SCFD2: variants seen among roughly 807,000 people sequenced by gnomAD.
The protein encoded by SCFD2 is sec1 family domain containing 2.
In SCFD2, 54 loss-of-function variants were observed where a neutral mutation model predicts 58.9. The ratio of observed to expected loss-of-function variants is 0.92; its 90% confidence interval spans 0.74 to 1.15. The LOEUF (loss-of-function observed/expected upper bound fraction) is 1.15. Among genes scored for constraint, SCFD2 ranks in the 50% most tolerant of loss-of-function variants. SCFD2 has a pLI of 0.00. For missense variants in SCFD2, 805 were observed against 836.6 expected (o/e 0.96, Z 0.47); for synonymous variants, 321 against 335.9 (o/e 0.96, Z 0.49).
At chr4:53,006,969 C>T (rs897701249) in intron 5 of SCFD2, among the ~76,000 whole-genome samples, 12 of 152,056 alleles carry the variant, frequency 7.9e-5, no homozygotes, top group African/African-American at 2.7e-4. Context: ...TCAAGAGACA[C>T]TAGAAATGCA....
intron 5 of SCFD2, among the ~76,000 whole-genome samples, chr4:52,953,403 C>T (rs1174864852): frequency 6.6e-6 from 1 of 152,214 alleles, no homozygotes; most frequent in East Asian, 1.9e-4. Flanking sequence ...TCTACTATGT[C>T]TACAAGATAG....
intron 5 of SCFD2, among the ~76,000 whole-genome samples, chr4:53,090,178 C>T (rs1337862750): frequency 6.6e-6 from 1 of 152,172 alleles, no homozygotes. Flanking sequence ...GTCTTCCCAA[C>T]CATCTGTTGC....
At chr4:53,074,127 T>C (rs1286628752) in intron 5 of SCFD2, among the ~76,000 whole-genome samples, 1 of 152,214 alleles carries the variant, frequency 6.6e-6, no homozygotes, top group African/African-American at 2.4e-5. Flanking sequence ...ACTAAGTTTA[T>C]GTGGTATTCT....
At chr4:52,970,908 G>A (rs924740948) in intron 5 of SCFD2, among the ~76,000 whole-genome samples, 9 of 152,140 alleles carry the variant, frequency 5.9e-5, no homozygotes, top group African/African-American at 2.2e-4. Context: ...GGCAAACAGG[G>A]TCTAGAGTGG....
chr4:53,034,345 T>C (rs1722701970), intron 5 of SCFD2, among the ~76,000 whole-genome samples: 1 of 152,168 alleles, frequency 6.6e-6, no homozygotes, highest in African/African-American at 2.4e-5. Context: ...GAGCTATTTA[T>C]GACAAACCCA....
intron 4 of SCFD2, among the ~76,000 whole-genome samples, chr4:53,255,209 A>ATTTATTTATTTT (rs1730566777): frequency 6.7e-6 from 1 of 148,568 alleles, no homozygotes; most frequent in Non-Finnish European, 1.5e-5. Context: ...TTATTTATTT[A>ATTTATTTATTTT]TTTATTTATT....
intron 5 of SCFD2, among the ~76,000 whole-genome samples, chr4:53,100,335 G>C (rs1368667218): frequency 6.6e-6 from 1 of 152,130 alleles, no homozygotes; most frequent in Non-Finnish European, 1.5e-5. Flanking sequence ...CTGGCACCTA[G>C]TGATGGTCCT....
intron 4 of SCFD2, among the ~76,000 whole-genome samples, chr4:53,165,442 G>A (rs1313038602): frequency 1.3e-5 from 2 of 152,156 alleles, no homozygotes; most frequent in Non-Finnish European, 2.9e-5. Context: ...TCATGGAGCT[G>A]TAATCTCAGA....
intron 1 of SCFD2, among the ~76,000 whole-genome samples, chr4:53,364,796 C>G (rs1578007548): frequency 1.3e-5 from 2 of 152,220 alleles, no homozygotes; most frequent in East Asian, 3.9e-4. Flanking sequence ...ATAAAATTTC[C>G]CAGGTGCACA....
At position 52,907,611 on chromosome 4, in the gene SCFD2, T is replaced by A. The variant is rs541939669; in HGVS notation, c.1708-20A>T. 4 of 1,613,232 alleles carry A rather than the reference T, an allele frequency of 2.5e-6. No individual in the cohort carries two copies. The South Asian group carries it at 3.3e-5, about 13-fold the overall frequency. On this transcript the variant is annotated intron_variant, in intron 6 of 8. Coordinates refer to ENST00000401642, the MANE Select transcript of SCFD2 (RefSeq NM_152540.4). Reference sequence around the variant, plus strand: ...AGATGCCTGGAAAGACAAAATACTATGAGTAAAGGGATTGTTTGGTTTGTC... The same window carrying A: ...AGATGCCTGGAAAGACAAAATACTAAGAGTAAAGGGATTGTTTGGTTTGTC...
intron 4 of SCFD2, among the ~76,000 whole-genome samples, chr4:53,264,266 T>A (rs535678643): frequency 6.6e-6 from 1 of 152,246 alleles, no homozygotes; most frequent in South Asian, 2.1e-4. Flanking sequence ...TTTCAGCATC[T>A]CAGGGAGCCT....
chr4:53,119,704 T>A (rs1325276965), intron 5 of SCFD2, among the ~76,000 whole-genome samples: 2 of 152,136 alleles, frequency 1.3e-5, no homozygotes, highest in African/African-American at 4.8e-5. Flanking sequence ...TTTCAGAACT[T>A]TCCAAACCCC....
At chr4:53,156,333 A>G (rs1276880715) in intron 4 of SCFD2, among the ~76,000 whole-genome samples, 2 of 147,306 alleles carry the variant, frequency 1.4e-5, no homozygotes, top group Non-Finnish European at 3.0e-5. Context: ...CGGGAGGCAG[A>G]GGTTGCAGTG....
At chr4:53,146,940 C>T (rs1726349441) in intron 4 of SCFD2, among the ~76,000 whole-genome samples, 1 of 152,154 alleles carries the variant, frequency 6.6e-6, no homozygotes, top group South Asian at 2.1e-4. Flanking sequence ...TACTGGCAGT[C>T]TTGTGTCTTG....
chr4:53,281,582 A>G (rs530891881), intron 3 of SCFD2, among the ~76,000 whole-genome samples: 1 of 152,344 alleles, frequency 6.6e-6, no homozygotes, highest in East Asian at 1.9e-4. Context: ...AAAAGACTCA[A>G]GAGGCTACCC....
At chr4:53,251,339 T>C (rs1385812894) in intron 4 of SCFD2, among the ~76,000 whole-genome samples, 1 of 152,106 alleles carries the variant, frequency 6.6e-6, no homozygotes, top group Non-Finnish European at 1.5e-5. Context: ...TCTGAAACTA[T>C]TCCAATCAAT....
chr4:53,255,264 G>A (rs930044749), intron 4 of SCFD2, among the ~76,000 whole-genome samples: 148 of 145,722 alleles, frequency 1.0e-3, no homozygotes, highest in African/African-American at 3.5e-3. Flanking sequence ...TCGCAGAGGG[G>A]GAGTTGGCAG....
intron 5 of SCFD2, among the ~76,000 whole-genome samples, chr4:53,012,044 T>C (rs1722104826): frequency 6.7e-6 from 1 of 149,982 alleles, no homozygotes; most frequent in Non-Finnish European, 1.5e-5. Flanking sequence ...TTCTATGGGT[T>C]AATTTGAGAG....
At chr4:52,928,739 A>AAT in intron 5 of SCFD2, among the ~76,000 whole-genome samples, 1 of 152,138 alleles carries the variant, frequency 6.6e-6, no homozygotes, top group Non-Finnish European at 1.5e-5. Context: ...TGACAAAGGA[A>AAT]GACAGGTGAG....
Sources: allele counts gnomAD v4.1 joint callset (sites outside exome capture counted in the v4.1 genomes callset), GRCh38; gene constraint gnomAD v4.1.1; transcripts MANE v1.5; gene names NCBI Gene and HGNC (gene_info 2026-07-23, HGNC 2026-07-21).